TBC1D4: variants seen among roughly 807,000 people sequenced by gnomAD.
The protein encoded by TBC1D4 is TBC (Tre-2, BUB2, CDC16) domain-containing protein.
In TBC1D4, 121 loss-of-function variants were observed where a neutral mutation model predicts 142.5. The ratio of observed to expected loss-of-function variants is 0.85; its 90% CI spans 0.73 to 0.99. TBC1D4 has a LOEUF of 0.99. Ranked by LOEUF, TBC1D4 falls within the 50% of genes least tolerant of loss-of-function variation. The pLI, the probability that TBC1D4 is intolerant of heterozygous loss-of-function variation, is 0.00. For synonymous variants in TBC1D4, 630 were observed against 628.2 expected, an observed-to-expected ratio of 1.00 and a Z score of -0.04; for missense variants, 1,475 against 1,606.6, an observed-to-expected ratio of 0.92 and a Z score of 1.40.
At chr13:75,400,954 T>A (rs1164110491) in intron 1 of TBC1D4, among the ~76,000 whole-genome samples, 1 of 152,118 alleles carries the variant, frequency 6.6e-6, no homozygotes. Flanking sequence ...CAGAACAAGT[T>A]TCTAGACTCT....
At chr13:75,320,157 T>C (rs1422969969) in intron 11 of TBC1D4, 120 bp from the exon 12 acceptor site, 3 of 998,220 alleles carry the variant, frequency 3.0e-6, no homozygotes, top group Non-Finnish European at 4.6e-6. Flanking sequence ...ACTTCAATAA[T>C]GAACCACAAT....
At chr13:75,290,309 CATAA>C (rs557646614) in intron 19 of TBC1D4, among the ~76,000 whole-genome samples, 1 of 151,804 alleles carries the variant, frequency 6.6e-6, no homozygotes, top group Non-Finnish European at 1.5e-5. Flanking sequence ...TTCCAGTGTC[CATAA>C]ATAAAGTTCA....
intron 1 of TBC1D4, among the ~76,000 whole-genome samples, chr13:75,419,333 T>C (rs1047654317): frequency 2.0e-5 from 3 of 152,206 alleles, no homozygotes; most frequent in East Asian, 3.8e-4. Context: ...AAAGGAGCTG[T>C]TGAAGTTTTA....
At chr13:75,426,471 T>C (rs1186847475) in intron 1 of TBC1D4, among the ~76,000 whole-genome samples, 1 of 152,232 alleles carries the variant, frequency 6.6e-6, no homozygotes, top group African/African-American at 2.4e-5. Context: ...TCAAAGACTG[T>C]GATTCTAGAC....
Position 75,312,727 on chromosome 13 carries a change from GCAACA to G in TBC1D4, c.2383+6_2383+10del. 1.2e-6 allele frequency: 2 copies of G among 1,614,148 alleles called. No individual in the cohort carries two copies. The highest frequency in any genetic ancestry group is 1.7e-6 in the Non-Finnish European group (2 of 1,180,010). On this transcript the variant is annotated splice_donor_region_variant and intron_variant, in intron 13 of 20. Transcript: ENST00000377636. ...CAGAGGGATAAATTCCTTAGGGAGT[GCAACA>G]CAGACCTTGCTGTTGCATTGCTGAG...
At chr13:75,369,490 C>A (rs9530427) in intron 1 of TBC1D4, among the ~76,000 whole-genome samples, 28,394 of 132,106 alleles carry the variant, frequency 0.21, 3,076 homozygotes, top group East Asian at 0.4. Context: ...CAGAGTGAGA[C>A]CCTGTCTCAC....
At chr13:75,414,505 GT>G (rs1885827438) in intron 1 of TBC1D4, among the ~76,000 whole-genome samples, 1 of 152,170 alleles carries the variant, frequency 6.6e-6, no homozygotes, top group Non-Finnish European at 1.5e-5. Flanking sequence ...AATTAATGAA[GT>G]GTGTATGTGC....
intron 1 of TBC1D4, among the ~76,000 whole-genome samples, chr13:75,461,025 T>C (rs1887944138): frequency 6.6e-6 from 1 of 152,238 alleles, no homozygotes; most frequent in Admixed American, 6.5e-5. Flanking sequence ...ACTAGCAGTA[T>C]ACAAGATTAG....
intron 1 of TBC1D4, among the ~76,000 whole-genome samples, chr13:75,427,369 C>T (rs1280819807): frequency 3.3e-5 from 5 of 152,124 alleles, no homozygotes; most frequent in African/African-American, 1.2e-4. Flanking sequence ...TATATATCAA[C>T]AATATTATTC....
intron 7 of TBC1D4, among the ~76,000 whole-genome samples, chr13:75,338,864 C>T (rs574390968): frequency 1.6e-4 from 24 of 152,186 alleles, no homozygotes; most frequent in Admixed American, 1.1e-3. Context: ...AATTTCCCCA[C>T]ACGGGAAACC....
intron 9 of TBC1D4, 76 bp downstream of exon 9, chr13:75,327,676 A>T: frequency 7.6e-7 from 1 of 1,310,448 alleles, no homozygotes; most frequent in Non-Finnish European, 1.1e-6. Flanking sequence ...ATAATAAAAA[A>T]TGGAGCATGC....
At chr13:75,417,861 A>T (rs535271311) in intron 1 of TBC1D4, among the ~76,000 whole-genome samples, 1 of 152,266 alleles carries the variant, frequency 6.6e-6, no homozygotes, top group South Asian at 2.1e-4. Context: ...TGACAGTCCT[A>T]TGTTCACATC....
At chr13:75,303,143 C>A (rs1220215656) in intron 15 of TBC1D4, among the ~76,000 whole-genome samples, 1 of 151,992 alleles carries the variant, frequency 6.6e-6, no homozygotes, top group Non-Finnish European at 1.5e-5. Flanking sequence ...CATGGTGAAA[C>A]CCTGCCTCTA....
chr13:75,348,952 A>AGAGTGTGTGT (rs1166661010), intron 5 of TBC1D4, among the ~76,000 whole-genome samples: 1 of 119,998 alleles, frequency 8.3e-6, no homozygotes, highest in Non-Finnish European at 1.7e-5. Context: ...AGAGAGAGAG[A>AGAGTGTGTGT]GAGTGTGTGT....
chr13:75,316,925 GTAA>G (rs1432852124), intron 12 of TBC1D4, among the ~76,000 whole-genome samples: 1 of 152,160 alleles, frequency 6.6e-6, no homozygotes. Flanking sequence ...GGTGTTTACT[GTAA>G]TAATAATAAA....
At position 75,292,147 on chromosome 13, in the gene TBC1D4, C is replaced by A. The variant is rs581294; in HGVS notation, c.3441G>T (p.Thr1147=). 8.1e-6 allele frequency: 13 copies of A among 1,612,766 alleles called. No individual in the cohort carries two copies. Among genetic ancestry groups the A allele is most frequent in the Non-Finnish European group, 1.1e-5 (13 of 1,179,406 alleles). ...TTTCAGAGGTATTCATATCAGGTAG[C>A]GTGTTTTTAAGAAACTCAACAATAT... is the stretch of plus-strand genomic sequence containing the variant. ...FENIVEFLKN[T]LPDMNTSEME... The change falls in exon 19 of 21, where the codon ACG becomes ACT. Residue 1147 remains threonine, a synonymous_variant. Coordinates refer to ENST00000377636, the MANE Select transcript of TBC1D4 (RefSeq NM_014832.5).
At chr13:75,384,753 T>G (rs1325111180) in intron 1 of TBC1D4, among the ~76,000 whole-genome samples, 1 of 152,124 alleles carries the variant, frequency 6.6e-6, no homozygotes, top group Non-Finnish European at 1.5e-5. Flanking sequence ...GAAAGATTAT[T>G]CCTTCCACAA....
intron 4 of TBC1D4, among the ~76,000 whole-genome samples, chr13:75,350,825 T>C (rs1300170708): frequency 6.6e-6 from 1 of 152,170 alleles, no homozygotes; most frequent in Non-Finnish European, 1.5e-5. Context: ...GTCTGAAATG[T>C]GGCTACCAAC....
chr13:75,338,204 G>A (rs1880384922), intron 7 of TBC1D4, among the ~76,000 whole-genome samples: 1 of 151,716 alleles, frequency 6.6e-6, no homozygotes, highest in Admixed American at 6.6e-5. Flanking sequence ...GAGGCAATAA[G>A]GGCCCACACT....
Sources: allele counts gnomAD v4.1 joint callset (sites outside exome capture counted in the v4.1 genomes callset), GRCh38; gene constraint gnomAD v4.1.1; transcripts MANE v1.5; gene names NCBI Gene and HGNC (gene_info 2026-07-23, HGNC 2026-07-21).